ADCY9: variants seen among roughly 807,000 people sequenced by gnomAD.
ADCY9 encodes the protein adenylate cyclase type 9.
ADCY9 carries 50 observed loss-of-function variants against 101.5 expected under a neutral mutation model. The ratio of observed to expected loss-of-function variants is 0.49; its 90% confidence interval spans 0.39 to 0.62. The LOEUF (loss-of-function observed/expected upper bound fraction) is 0.62. Among genes scored for constraint, ADCY9 ranks in the 20% least tolerant of loss-of-function variants. The pLI, the probability that ADCY9 is intolerant of heterozygous loss-of-function variation, is 0.00. For missense variants in ADCY9, 1,662 were observed against 1,800.4 expected, an observed-to-expected ratio of 0.92 and a Z score of 1.39; for synonymous variants, 905 against 769.3, an observed-to-expected ratio of 1.18 and a Z score of -2.92.
chr16:3,987,988 G>A (rs12933077), intron 6 of ADCY9, among the ~76,000 whole-genome samples: 72 of 148,364 alleles, frequency 4.9e-4, no homozygotes, highest in African/African-American at 1.9e-3. Flanking sequence ...TGGAGGCTGT[G>A]AGGAGGGGCT....
intron 2 of ADCY9, among the ~76,000 whole-genome samples, chr16:4,108,837 C>G (rs2057096084): frequency 6.6e-6 from 1 of 151,686 alleles, no homozygotes; most frequent in Non-Finnish European, 1.5e-5. Context: ...TCCCGAGTAG[C>G]TGGGATTACA....
At chr16:4,104,839 T>C (rs1295435107) in intron 2 of ADCY9, among the ~76,000 whole-genome samples, 1 of 152,092 alleles carries the variant, frequency 6.6e-6, no homozygotes, top group Non-Finnish European at 1.5e-5. Flanking sequence ...GTGTACATTT[T>C]ATCACTCAAA....
intron 7 of ADCY9, among the ~76,000 whole-genome samples, chr16:3,979,666 G>A (rs1367920560): frequency 2.6e-5 from 4 of 152,254 alleles, no homozygotes; most frequent in African/African-American, 9.6e-5. Flanking sequence ...AGCTTTGGAG[G>A]CGTCCTGGAA....
At chr16:4,036,037 G>T (rs1313383449) in intron 2 of ADCY9, among the ~76,000 whole-genome samples, 1 of 138,202 alleles carries the variant, frequency 7.2e-6, no homozygotes, top group Non-Finnish European at 1.6e-5. Context: ...ATTCCAAGGG[G>T]CCCCAGCCCC....
chr16:3,987,004 AC>A (rs2056198861), intron 6 of ADCY9, among the ~76,000 whole-genome samples: 1 of 151,926 alleles, frequency 6.6e-6, no homozygotes, highest in Non-Finnish European at 1.5e-5. Flanking sequence ...CTCCTGCCCC[AC>A]CCTGCCCCGG....
chr16:4,021,565 AG>A (rs1233187378), intron 2 of ADCY9, among the ~76,000 whole-genome samples: 1 of 152,240 alleles, frequency 6.6e-6, no homozygotes, highest in Non-Finnish European at 1.5e-5. Flanking sequence ...ACTCAGAGCT[AG>A]GAGAGTATCA....
At position 4,089,307 on chromosome 16, in the gene ADCY9, C is replaced by T. The variant is rs1260328769; in HGVS notation, c.1693+24443G>A. On this transcript the variant is annotated intron_variant, in intron 2 of 10. Transcript: ENST00000294016. ...TCTCGAACTCCTGGGCTCAAGCGAT[C>T]GAAACGTGGCCTTTGTGGTCTGGCT... is the stretch of plus-strand genomic sequence containing the variant. 4.6e-5 allele frequency among the ~76,000 whole-genome samples: 7 copies of T among 152,124 alleles called. No homozygotes were observed. In the East Asian group the frequency reaches 5.8e-4, roughly 13 times the overall value.
intron 2 of ADCY9, among the ~76,000 whole-genome samples, chr16:4,008,515 A>C (rs1419756140): frequency 3.3e-5 from 5 of 152,082 alleles, no homozygotes; most frequent in African/African-American, 1.2e-4. Flanking sequence ...CATTTATTTC[A>C]GGCCTAGTGT....
chr16:4,056,746 T>C (rs1244517764), intron 2 of ADCY9, among the ~76,000 whole-genome samples: 2 of 152,220 alleles, frequency 1.3e-5, no homozygotes, highest in Non-Finnish European at 2.9e-5. Flanking sequence ...GCCTAGTGCA[T>C]AGTAAGACTT....
At chr16:4,063,478 C>A (rs2056783900) in intron 2 of ADCY9, among the ~76,000 whole-genome samples, 1 of 152,040 alleles carries the variant, frequency 6.6e-6, no homozygotes, top group Non-Finnish European at 1.5e-5. Context: ...GAAGGCCAAG[C>A]TGGGACGATC....
In ADCY9 at chr16:4,100,611, G is replaced by A. The variant is rs9935306; in HGVS notation, c.1693+13139C>T. ...CTCCGAAAGTGCTGGGATTACAGGC[G>A]TGAGCCATGCACCTGGCCTCAGGTA... On this transcript the variant is annotated intron_variant, in intron 2 of 10. Coordinates refer to ENST00000294016, the MANE Select transcript of ADCY9 (RefSeq NM_001116.4). Among the ~76,000 whole-genome samples, 793 of 152,088 alleles carry A rather than the reference G, an allele frequency of 5.2e-3. 9 individuals carry two copies. The highest frequency in any genetic ancestry group is 0.018 in the African/African-American group (748 of 41,478).
chr16:4,088,990 T>C (rs2056956648), intron 2 of ADCY9, among the ~76,000 whole-genome samples: 1 of 152,012 alleles, frequency 6.6e-6, no homozygotes, highest in Non-Finnish European at 1.5e-5. Context: ...TCCCTTCAGT[T>C]TCCCCAGCCC....
chr16:4,014,792 TCC>T (rs2056426925), intron 2 of ADCY9, among the ~76,000 whole-genome samples: 1 of 148,550 alleles, frequency 6.7e-6, no homozygotes, highest in Non-Finnish European at 1.5e-5. Flanking sequence ...TCTCTCTCTC[TCC>T]CTCCCGCTTC....
chr16:3,980,888 T>C (rs1468638081), intron 7 of ADCY9, among the ~76,000 whole-genome samples: 3 of 151,908 alleles, frequency 2.0e-5, no homozygotes, highest in Admixed American at 1.3e-4. Flanking sequence ...GATCTGAAAA[T>C]GAGACCTCAC....
intron 8 of ADCY9, 108 bp downstream of exon 8, chr16:3,979,008 C>A: frequency 1.4e-6 from 2 of 1,444,828 alleles, no homozygotes; most frequent in Non-Finnish European, 1.9e-6. Flanking sequence ...AGCCACCATG[C>A]CTGGCCAAAG....
intron 2 of ADCY9, among the ~76,000 whole-genome samples, chr16:4,030,040 G>A (rs542853104): frequency 2.0e-3 from 298 of 152,190 alleles, no homozygotes; most frequent in Non-Finnish European, 3.9e-3. Flanking sequence ...TCTGCTGACG[G>A]GTATGAGGTG....
At chr16:4,070,633 T>G (rs149811509) in intron 2 of ADCY9, among the ~76,000 whole-genome samples, 4 of 151,804 alleles carry the variant, frequency 2.6e-5, no homozygotes, top group Admixed American at 2.0e-4. Flanking sequence ...CTGGGCAACA[T>G]AGAGAGATCC....
chr16:4,045,943 C>T (rs146523306), intron 2 of ADCY9, among the ~76,000 whole-genome samples: 1 of 138,616 alleles, frequency 7.2e-6, no homozygotes, highest in African/African-American at 2.6e-5. Flanking sequence ...CTCCTAGGCT[C>T]AAGCGATCCT....
At chr16:3,991,767 A>C (rs1037480303) in intron 5 of ADCY9, among the ~76,000 whole-genome samples, 1 of 126,360 alleles carries the variant, frequency 7.9e-6, no homozygotes, top group Non-Finnish European at 1.6e-5. Context: ...TCCTTATAAA[A>C]AAAAAAAAAA....
Sources: allele counts gnomAD v4.1 joint callset (sites outside exome capture counted in the v4.1 genomes callset), GRCh38; gene constraint gnomAD v4.1.1; transcripts MANE v1.5; gene names NCBI Gene and HGNC (gene_info 2026-07-23, HGNC 2026-07-21).